The following SLC6A13 variants were observed in gnomAD, a reference collection of about 807,000 sequenced individuals.
SLC6A13 encodes solute carrier family 6 member 13, also known as sodium- and chloride-dependent GABA transporter 2.
In SLC6A13, 69 loss-of-function variants were observed where a neutral mutation model predicts 72.9. That is an observed-to-expected ratio of 0.95 (90% CI 0.78 to 1.16). The LOEUF (loss-of-function observed/expected upper bound fraction) is 1.16. Ranked by LOEUF, SLC6A13 falls within the 50% of genes most tolerant of loss-of-function variation. The pLI is 0.00. For synonymous variants in SLC6A13, 303 were observed against 303.0 expected (o/e 1.00, Z 0.00); for missense variants, 735 against 760.5 (o/e 0.97, Z 0.39).
chr12:238,176 C>G, intron 4 of SLC6A13, 166 bp from the exon 5 acceptor site: 1 of 1,533,864 alleles, frequency 6.5e-7, no homozygotes, highest in Non-Finnish European at 8.7e-7. Flanking sequence ...ATAACCTCAA[C>G]AAATGCAGCT....
At chr12:244,658 C>G (rs1390790697) in intron 2 of SLC6A13, among the ~76,000 whole-genome samples, 3 of 152,086 alleles carry the variant, frequency 2.0e-5, no homozygotes, top group Non-Finnish European at 2.9e-5. Context: ...CCACTGCCCT[C>G]CCTCCAACCT....
In SLC6A13 at chr12:223,196, C is replaced by G. The variant is rs2289954; in HGVS notation, c.1350G>C (p.Ala450=). The G allele has an allele frequency of 3.1e-6, 5 of 1,613,368 alleles. No individual in the cohort carries two copies. In the Admixed American group the frequency reaches 6.7e-5, roughly 22 times the overall value. Residue 450 remains alanine, a synonymous_variant, in exon 12 of 15, where the codon GCG becomes GCC. Transcript: ENST00000343164. The part of the protein sequence containing the change: ...MYVFQLFDYY[A]ASGMCLLFVA... ...CGAACAGGAGGCACATGCCACTGGC[C>G]GCATAGTAGTCAAAGAGCTGGAACA...
intron 11 of SLC6A13, among the ~76,000 whole-genome samples, chr12:223,501 G>A (rs1051784900): frequency 6.6e-6 from 1 of 152,114 alleles, no homozygotes; most frequent in African/African-American, 2.4e-5. Context: ...TTAGGCACTG[G>A]CCACGAAGCC....
chr12:252,595 G>T (rs1341124846), intron 2 of SLC6A13, among the ~76,000 whole-genome samples: 2 of 152,194 alleles, frequency 1.3e-5, no homozygotes, highest in African/African-American at 4.8e-5. Flanking sequence ...ACTTGATCAT[G>T]AGGACAAAGA....
At position 221,378 on chromosome 12, in the gene SLC6A13, C is replaced by T. The variant is rs1378472980; in HGVS notation, c.1684G>A (p.Glu562Lys). 1 of 1,592,264 alleles carries T rather than the reference C, an allele frequency of 6.3e-7. No individual in the cohort carries two copies. The highest frequency in any genetic ancestry group is 1.1e-5 in the South Asian group (1 of 88,330). The change falls in exon 14 of 15, where the codon GAG (glutamate) becomes AAG (lysine). Residue 562 changes from glutamate (E) to lysine (K), a missense_variant and splice_region_variant. Coordinates refer to ENST00000343164, the MANE Select transcript of SLC6A13 (RefSeq NM_016615.5). ...TTTCCTGCCCGCAAAGGCCCTACCT[C>T]TCTGAAGGGGCCCTTGAGGGTTCCG... Reference protein sequence around the residue: ...RLGTLKGPFRERIRQLMCPAE... With the variant: ...RLGTLKGPFRKRIRQLMCPAE...
chr12:255,618 C>T (rs1320695681), intron 2 of SLC6A13, among the ~76,000 whole-genome samples: 1 of 152,204 alleles, frequency 6.6e-6, no homozygotes, highest in Admixed American at 6.5e-5. Context: ...ATCACTTGAA[C>T]CCAGTAGGTA....
chr12:227,430 G>T, intron 8 of SLC6A13, 135 bp downstream of exon 8: 1 of 1,456,546 alleles, frequency 6.9e-7, no homozygotes. Flanking sequence ...TAGCCCTGGG[G>T]TGTTGGATAT....
At chr12:221,951 T>G (rs1030356572) in intron 13 of SLC6A13, among the ~76,000 whole-genome samples, 3 of 152,150 alleles carry the variant, frequency 2.0e-5, no homozygotes, top group African/African-American at 7.2e-5. Flanking sequence ...CGGGAACAGC[T>G]GACACAAAGA....
chr12:241,867 C>G (rs920232093), intron 4 of SLC6A13, among the ~76,000 whole-genome samples: 2 of 152,248 alleles, frequency 1.3e-5, no homozygotes, highest in African/African-American at 4.8e-5. Context: ...CTTCAGCCAA[C>G]AGTGGATCAC....
chr12:223,730 C>T (rs1941316706), intron 11 of SLC6A13: 1 of 454,792 alleles, frequency 2.2e-6, no homozygotes, highest in African/African-American at 1.9e-5. Context: ...TTCTCCCAAT[C>T]CAATGCTCCA....
At chr12:253,635 G>A (rs1488841758) in intron 2 of SLC6A13, 1 of 152,244 alleles carries the variant, frequency 6.6e-6, no homozygotes, top group South Asian at 2.1e-4. Flanking sequence ...CTCACATGGG[G>A]ACTCCAGTCC....
rs1275883781 is a variant in SLC6A13, at chr12:243,831, G to C, written c.203-18C>G. ...GAAGGCACCTGTGGTTAGAAAACAG[G>C]CTGTTCATTTCCTGGGACTATTCTC... On this transcript the variant is annotated intron_variant, in intron 2 of 14. Coordinates refer to ENST00000343164, the MANE Select transcript of SLC6A13 (RefSeq NM_016615.5). 1.2e-6 allele frequency: 2 copies of C among 1,611,930 alleles called. No homozygotes were observed.
intron 11 of SLC6A13, 48 bp from the exon 12 acceptor site, chr12:223,282 AG>A (rs777328525): frequency 1.1e-5 from 14 of 1,283,026 alleles, no homozygotes; most frequent in Non-Finnish European, 1.0e-5. Flanking sequence ...CAGTGGAAAC[AG>A]AAAGATTCAC....
chr12:246,492 A>G (rs1942355708), intron 2 of SLC6A13, among the ~76,000 whole-genome samples: 1 of 152,230 alleles, frequency 6.6e-6, no homozygotes, highest in South Asian at 2.1e-4. Context: ...AGCAGATGAG[A>G]ATATTTAAAA....
At chr12:222,683 C>T in intron 12 of SLC6A13, 51 bp from the exon 13 acceptor site, 1 of 1,215,926 alleles carries the variant, frequency 8.2e-7, no homozygotes, top group East Asian at 2.4e-5. Flanking sequence ...TCTTTGGCAC[C>T]CAGGACATCA....
chr12:244,391 T>A (rs946430187), intron 2 of SLC6A13, among the ~76,000 whole-genome samples: 2 of 152,178 alleles, frequency 1.3e-5, no homozygotes, highest in African/African-American at 4.8e-5. Flanking sequence ...CTGTGTTTGT[T>A]ATAAAAGTGA....
At position 249,938 on chromosome 12, in the gene SLC6A13, G is replaced by T. The variant is rs1942477727; in HGVS notation, c.203-6125C>A. On this transcript the variant is annotated intron_variant, in intron 2 of 14. Coordinates refer to ENST00000343164, the MANE Select transcript of SLC6A13 (RefSeq NM_016615.5). ...TGTTTATCCCAGAGATACAAAGTGG[G>T]TTTAACATTTTAAAAAATCAACATA... 3.9e-5 allele frequency among the ~76,000 whole-genome samples: 6 copies of T among 152,026 alleles called. No homozygotes were observed. In the South Asian group the frequency reaches 6.2e-4, roughly 16 times the overall value.
chr12:239,138 C>A (rs903037752), intron 4 of SLC6A13, among the ~76,000 whole-genome samples: 3 of 144,276 alleles, frequency 2.1e-5, no homozygotes, highest in African/African-American at 7.9e-5. Context: ...TTTCCCTCAG[C>A]CACATGCTCT....
rs143418626 is a variant in SLC6A13, at chr12:238,152, T to C, written c.479-142A>G. ...AGGCTAAGGTTATCTGTACAAAACA[T>C]CCTCCCACACGTAATAACCTCAACA... On this transcript the variant is annotated intron_variant, in intron 4 of 14. Coordinates refer to ENST00000343164, the MANE Select transcript of SLC6A13 (RefSeq NM_016615.5). 5,573 of 1,540,902 alleles carry C rather than the reference T, an allele frequency of 3.6e-3. 15 individuals carry two copies. The highest frequency in any genetic ancestry group is 4.6e-3 in the Non-Finnish European group (5,250 of 1,145,516).
Sources: allele counts gnomAD v4.1 joint callset (sites outside exome capture counted in the v4.1 genomes callset), GRCh38; gene constraint gnomAD v4.1.1; transcripts MANE v1.5; gene names NCBI Gene and HGNC (gene_info 2026-07-23, HGNC 2026-07-21).